The following DMXL2 variants were observed in gnomAD, a reference collection of about 807,000 sequenced individuals.
DMXL2 encodes dmX-like protein 2.
Under a neutral mutation model 331.1 loss-of-function variants are expected in DMXL2, and 103 were observed. The ratio of observed to expected loss-of-function variants is 0.31; its 90% CI spans 0.27 to 0.37. The LOEUF (loss-of-function observed/expected upper bound fraction) is 0.37. Ranked by LOEUF, DMXL2 falls within the 10% of genes least tolerant of loss-of-function variation. DMXL2 has a pLI of 1.00. For synonymous variants in DMXL2, 1,281 were observed against 1,252.1 expected, an observed-to-expected ratio of 1.02 and a Z score of -0.49; for missense variants, 3,171 against 3,642.9, an observed-to-expected ratio of 0.87 and a Z score of 3.33.
intron 41 of DMXL2, 95 bp downstream of exon 41, chr15:51,453,455 G>A: frequency 2.3e-6 from 2 of 862,370 alleles, no homozygotes; most frequent in Non-Finnish European, 1.7e-6. Context: ...TTAATGCCTA[G>A]AGTGGAAAAA....
intron 1 of DMXL2, among the ~76,000 whole-genome samples, chr15:51,598,497 C>T (rs2052995777): frequency 6.6e-6 from 1 of 152,076 alleles, no homozygotes; most frequent in South Asian, 2.1e-4. Context: ...GCAATAGTGT[C>T]CTTTATAGTA....
intron 1 of DMXL2, among the ~76,000 whole-genome samples, chr15:51,603,430 TTAAC>T (rs763421097): frequency 3.1e-4 from 47 of 152,246 alleles, no homozygotes; most frequent in East Asian, 5.8e-4. Flanking sequence ...GGATAGTCCT[TTAAC>T]TATTAAATAA....
chr15:51,457,597 G>A, intron 36 of DMXL2, 131 bp from the exon 37 acceptor site: 3 of 1,077,572 alleles, frequency 2.8e-6, no homozygotes, highest in Admixed American at 2.5e-5. Flanking sequence ...GAAAAACTTA[G>A]GTACAAGTCC....
intron 19 of DMXL2, among the ~76,000 whole-genome samples, chr15:51,492,386 G>T (rs2042872664): frequency 6.6e-6 from 1 of 152,192 alleles, no homozygotes; most frequent in African/African-American, 2.4e-5. Flanking sequence ...ATAAGGATAA[G>T]TTACAATCAT....
At chr15:51,580,983 T>G (rs890644873) in intron 1 of DMXL2, among the ~76,000 whole-genome samples, 1 of 152,124 alleles carries the variant, frequency 6.6e-6, no homozygotes, top group African/African-American at 2.4e-5. Context: ...TCCGAAAAAT[T>G]GTATTTAAAG....
Position 51,448,906 on chromosome 15 carries a change from C to T in DMXL2, c.*78G>A, listed in dbSNP as rs1312432547. 13 of 1,390,888 alleles carry T rather than the reference C, an allele frequency of 9.3e-6. No homozygotes were observed. The highest frequency in any genetic ancestry group is 1.2e-5 in the Non-Finnish European group (12 of 1,002,962). The allele number at this position is 1,390,888 out of a possible 1,614,324, so 86.2% of individuals were successfully genotyped here. On this transcript the variant is annotated 3_prime_UTR_variant, in exon 44 of 44. Coordinates refer to ENST00000560891, the MANE Select transcript of DMXL2 (RefSeq NM_001378457.1). ...AGATTCTCTGTTTTCAATACAACTGCTTAGAAAGCAGAATTGCCTAGTGAT... is the reference window on the plus strand; with the variant it reads ...AGATTCTCTGTTTTCAATACAACTGTTTAGAAAGCAGAATTGCCTAGTGAT...
At chr15:51,459,754 C>T (rs947897100) in intron 33 of DMXL2, 94 bp from the exon 34 acceptor site, 1 of 1,260,132 alleles carries the variant, frequency 7.9e-7, no homozygotes, top group African/African-American at 1.5e-5. Flanking sequence ...GGCCACTCCA[C>T]CACTTAAAGA....
At chr15:51,507,396 T>C (rs1268125662) in intron 15 of DMXL2, 143 bp from the exon 16 acceptor site, 17 of 738,452 alleles carry the variant, frequency 2.3e-5, no homozygotes, top group South Asian at 2.5e-5. Flanking sequence ...GAGTTTTATA[T>C]AATTTTTGTA....
intron 2 of DMXL2, among the ~76,000 whole-genome samples, chr15:51,568,971 G>T (rs954421050): frequency 6.6e-6 from 1 of 152,162 alleles, no homozygotes; most frequent in East Asian, 1.9e-4. Flanking sequence ...GCTGAAGCAG[G>T]GTGGGGCGTC....
chr15:51,573,535 TGTCCTTTG>T (rs1321745966), intron 2 of DMXL2, among the ~76,000 whole-genome samples: 11 of 152,176 alleles, frequency 7.2e-5, no homozygotes, highest in African/African-American at 2.4e-4. Context: ...GATGAGTTCA[TGTCCTTTG>T]CAGGGACATG....
Position 51,536,858 on chromosome 15 carries a change from G to T in DMXL2, c.1622C>A (p.Ser541Tyr), listed in dbSNP as rs767380260. 2 of 1,593,076 alleles carry T rather than the reference G, an allele frequency of 1.3e-6. No homozygotes were observed. Among genetic ancestry groups the T allele is most frequent in the Admixed American group, 3.7e-5 (2 of 54,678 alleles). ...NPGIFRQVQV[S>Y]FSSRIPVAFP... is the part of the protein sequence containing the mutation. ...TGCAACAGGAATCCGAGAAGAAAAA[G>T]AAACCTGAAAAACATAATTATATGA... The change falls in exon 12 of 44, where the codon TCT becomes TAT. Residue 541 changes from serine to tyrosine, a missense_variant. Physicochemically the swap from Ser to Tyr is moderately radical, Grantham distance 144. This residue lies in a region of DMXL2 where 1,674 missense variants were observed against 1,780.2 expected (regional missense o/e 0.94). Coordinates refer to ENST00000560891, the MANE Select transcript of DMXL2 (RefSeq NM_001378457.1).
In DMXL2 at chr15:51,459,398, A is replaced by AAAGAGAAGAACC. The variant is rs565386193; in HGVS notation, c.7989+188_7989+199dup. On this transcript the variant is annotated intron_variant, in intron 34 of 43. Coordinates refer to ENST00000560891, the MANE Select transcript of DMXL2 (RefSeq NM_001378457.1). ...AAGTGAAGATGGGACAGGGAGCAAG[A>AAAGAGAAGAACC]AAGAGAAGAACCAAGGGCAAGACAG... Among the ~76,000 whole-genome samples the AAAGAGAAGAACC allele has an allele frequency of 7.2e-5, 11 of 152,324 alleles. No homozygotes were observed. In the South Asian group the frequency reaches 2.3e-3, roughly 32 times the overall value.
chr15:51,502,306 TTGTGTGTG>T (rs769283309), intron 17 of DMXL2, among the ~76,000 whole-genome samples: 10 of 140,558 alleles, frequency 7.1e-5, no homozygotes, highest in Non-Finnish European at 1.4e-4. Context: ...TTTTGTGGGT[TTGTGTGTG>T]TGTGTGTGTG....
chr15:51,591,361 G>T (rs1645364580), intron 1 of DMXL2, among the ~76,000 whole-genome samples: 1 of 152,198 alleles, frequency 6.6e-6, no homozygotes. Context: ...AGATCAAACT[G>T]CAAGGTGGCA....
Position 51,498,596 on chromosome 15 carries a change from G to C in DMXL2, c.4628C>G (p.Thr1543Ser). The change falls in exon 18 of 44, where the codon ACT becomes AGT. Residue 1543 changes from threonine to serine, a missense_variant. Thr to Ser is a moderately conservative substitution (Grantham distance 58, BLOSUM62 1). Around this residue, in one of 7 missense-constraint regions of DMXL2, gnomAD observed 252 missense variants for 387.4 expected, o/e 0.65. Coordinates refer to ENST00000560891, the MANE Select transcript of DMXL2 (RefSeq NM_001378457.1). Reference sequence around the variant, plus strand: ...GCTTTCATCAAGCTCAGTACTAGTAGTAGCCACTGTATCAGCCAAAGCTAC... The same window carrying C: ...GCTTTCATCAAGCTCAGTACTAGTACTAGCCACTGTATCAGCCAAAGCTAC... ...FLVALADTVATTSTELDESRD... is the reference protein window; with the variant it reads ...FLVALADTVASTSTELDESRD... The C allele has an allele frequency of 6.2e-7, 1 of 1,613,990 alleles. No individual in the cohort carries two copies.
At position 51,474,731 on chromosome 15, in the gene DMXL2, A is replaced by G; in HGVS notation, c.6965-139T>C. The G allele has an allele frequency of 2.2e-6, 2 of 921,608 alleles. 1 individual carries two copies. The highest frequency in any genetic ancestry group is 3.8e-5 in the South Asian group (2 of 52,272). The allele number at this position is 921,608 out of a possible 1,614,324, so 57.1% of individuals were successfully genotyped here. A position where few individuals can be genotyped will look rare whatever the true frequency, so the allele number is the denominator to read the frequency against. On this transcript the variant is annotated intron_variant, in intron 27 of 43. Transcript: ENST00000560891. ...CCATAATTTGAGCAACAAAATAAAC[A>G]AGATAGGAATGGATTATAGCCTATA...
At chr15:51,472,737 G>A (rs542972180) in intron 28 of DMXL2, among the ~76,000 whole-genome samples, 13 of 152,246 alleles carry the variant, frequency 8.5e-5, no homozygotes, top group South Asian at 4.2e-4. Flanking sequence ...TCCATTGCAC[G>A]AATATACCAC....
At position 51,563,461 on chromosome 15, in the gene DMXL2, A is replaced by G; in HGVS notation, c.501-14T>C. The G allele has an allele frequency of 6.3e-7, 1 of 1,589,746 alleles. No individual in the cohort carries two copies. Among genetic ancestry groups the G allele is most frequent in the Non-Finnish European group, 8.6e-7 (1 of 1,167,176 alleles). On this transcript the variant is annotated splice_polypyrimidine_tract_variant and intron_variant, in intron 5 of 43. Transcript: ENST00000560891. ...GATACTGAGGTTCTAAAAAAGAGAG[A>G]GTTAGGCAATTAGCCCTTTTAAAAT...
At chr15:51,476,805 T>A in intron 26 of DMXL2, 86 bp from the exon 27 acceptor site, 2 of 1,142,714 alleles carry the variant, frequency 1.8e-6, no homozygotes, top group Non-Finnish European at 2.4e-6. Context: ...TAGACACCTA[T>A]TTTAAGAAAC....
Sources: gnomAD v4.1 joint callset for allele counts (sites outside exome capture counted in the v4.1 genomes callset) on GRCh38, gnomAD v4.1.1 for gene constraint, gnomAD v4.1.1 regional missense constraint, MANE v1.5 for transcripts, NCBI Gene and HGNC (gene_info 2026-07-23, HGNC 2026-07-21) for gene names.